Variants in EXT1 observed in about 807,000 individuals in gnomAD.
The protein encoded by EXT1 is exostosin glycosyltransferase 1.
Under a neutral mutation model 82.5 loss-of-function variants are expected in EXT1, and 20 were observed. The observed-to-expected ratio is 0.24, with a 90% CI of 0.17 to 0.35. The LOEUF (loss-of-function observed/expected upper bound fraction) is 0.35, where lower values mean the gene tolerates loss of function less well. Among genes scored for constraint, EXT1 ranks in the 10% least tolerant of loss-of-function variants. EXT1 has a pLI of 1.00. For synonymous variants in EXT1, 348 were observed against 350.8 expected, an observed-to-expected ratio of 0.99 and a Z score of 0.09; for missense variants, 757 against 936.5, an observed-to-expected ratio of 0.81 and a Z score of 2.50.
chr8:118,007,358 A>G (rs1307208129), intron 1 of EXT1, among the ~76,000 whole-genome samples: 1 of 152,168 alleles, frequency 6.6e-6, no homozygotes, highest in Non-Finnish European at 1.5e-5. Context: ...CAGGTTACAT[A>G]AGAATATCTG....
At chr8:117,984,015 C>G (rs989039918) in intron 1 of EXT1, among the ~76,000 whole-genome samples, 1 of 152,214 alleles carries the variant, frequency 6.6e-6, no homozygotes, top group African/African-American at 2.4e-5. Flanking sequence ...AGGCACTGTT[C>G]TGGGTGCTAA....
At chr8:117,984,371 G>A (rs1815268749) in intron 1 of EXT1, among the ~76,000 whole-genome samples, 1 of 151,580 alleles carries the variant, frequency 6.6e-6, no homozygotes, top group Non-Finnish European at 1.5e-5. Flanking sequence ...GGAGGCTGAA[G>A]TGAGCCGCAA....
At chr8:117,858,011 T>G (rs1812595462) in intron 1 of EXT1, among the ~76,000 whole-genome samples, 1 of 152,204 alleles carries the variant, frequency 6.6e-6, no homozygotes, top group Admixed American at 6.5e-5. Flanking sequence ...AGATCTATAA[T>G]TAGAAGTGCA....
At chr8:117,869,216 T>C (rs1401706176) in intron 1 of EXT1, among the ~76,000 whole-genome samples, 5 of 152,144 alleles carry the variant, frequency 3.3e-5, no homozygotes, top group African/African-American at 1.2e-4. Flanking sequence ...ATATCCACCA[T>C]GAGGAAGAAT....
chr8:118,088,544 ACAGT>A (rs1366068804), intron 1 of EXT1, among the ~76,000 whole-genome samples: 1 of 152,208 alleles, frequency 6.6e-6, no homozygotes, highest in African/African-American at 2.4e-5. Context: ...AAAGAAAAGA[ACAGT>A]CAAACTAAAA....
intron 1 of EXT1, among the ~76,000 whole-genome samples, chr8:117,876,597 C>T (rs867484287): frequency 7.2e-5 from 11 of 152,076 alleles, no homozygotes; most frequent in Middle Eastern, 3.4e-3. Flanking sequence ...GAGGTAAGGA[C>T]GTAGGATAAA....
At chr8:118,081,017 T>G (rs1027158011) in intron 1 of EXT1, among the ~76,000 whole-genome samples, 2 of 152,160 alleles carry the variant, frequency 1.3e-5, no homozygotes, top group Non-Finnish European at 2.9e-5. Context: ...TAGTTAATAT[T>G]TAGGGAGCAC....
rs111875016 is a variant in EXT1 at position 117,939,044 on chromosome 8, GT to G, written c.963-101844del. On this transcript the variant is annotated intron_variant, in intron 1 of 10. Coordinates refer to ENST00000378204, the MANE Select transcript of EXT1 (RefSeq NM_000127.3). ...GCCCCCTCCTTTTATTTTTCAAGCT[GT>G]TTTTTTTTCCCCCCAATGGAAGCCT... Among the ~76,000 whole-genome samples the G allele has an allele frequency of 3.0e-3, 449 of 150,730 alleles. 4 individuals carry two copies. The highest frequency in any genetic ancestry group is 0.014 in the Middle Eastern group (4 of 294).
chr8:117,982,517 G>A (rs1815230465), intron 1 of EXT1, among the ~76,000 whole-genome samples: 1 of 151,922 alleles, frequency 6.6e-6, no homozygotes, highest in Admixed American at 6.6e-5. Context: ...TTGAGACGGA[G>A]TCTTGCTGTG....
At chr8:117,919,220 T>A (rs2130008607) in intron 1 of EXT1, among the ~76,000 whole-genome samples, 1 of 151,874 alleles carries the variant, frequency 6.6e-6, no homozygotes, top group African/African-American at 2.4e-5. Flanking sequence ...CAAGGTGTCA[T>A]TTTGTCACCC....
chr8:117,834,010 A>G (rs1470060786), intron 3 of EXT1, among the ~76,000 whole-genome samples: 1 of 151,958 alleles, frequency 6.6e-6, no homozygotes, highest in African/African-American at 2.4e-5. Flanking sequence ...TTTCACAAAA[A>G]CTCCAGACCC....
Position 117,862,418 on chromosome 8 carries a change from T to A in EXT1, c.963-25217A>T, listed in dbSNP as rs555532212. On this transcript the variant is annotated intron_variant, in intron 1 of 10. Transcript: ENST00000378204. Reference sequence around the variant, plus strand: ...ATTATTTCCTTAACTTCTCTTTCATTCCTATGACAATGTAAATAAAACGGG... The same window carrying A: ...ATTATTTCCTTAACTTCTCTTTCATACCTATGACAATGTAAATAAAACGGG... Among the ~76,000 whole-genome samples, 90 of 145,984 alleles carry A rather than the reference T, an allele frequency of 6.2e-4. 4 individuals carry two copies. The highest frequency in any genetic ancestry group is 2.1e-3 in the African/African-American group (86 of 41,208).
At chr8:117,909,607 G>C (rs1019266014) in intron 1 of EXT1, among the ~76,000 whole-genome samples, 1 of 152,090 alleles carries the variant, frequency 6.6e-6, no homozygotes, top group African/African-American at 2.4e-5. Context: ...AGGAGGGCCC[G>C]ACATGGATCT....
At chr8:117,900,153 C>A (rs1263059901) in intron 1 of EXT1, among the ~76,000 whole-genome samples, 2 of 152,104 alleles carry the variant, frequency 1.3e-5, no homozygotes, top group East Asian at 3.9e-4. Flanking sequence ...TCTGTGGGAG[C>A]CCAGAGCAGA....
At position 117,858,712 on chromosome 8, in the gene EXT1, A is replaced by AGAAG. The variant is rs564611274; in HGVS notation, c.963-21515_963-21512dup. On this transcript the variant is annotated intron_variant, in intron 1 of 10. Coordinates refer to ENST00000378204, the MANE Select transcript of EXT1 (RefSeq NM_000127.3). ...AAGAAGAAAGAAAGAAAGAAAAGAAAGAAGGAAGGAAGGAAGGAAGGAAGG... is the reference window on the plus strand; with the variant it reads ...AAGAAGAAAGAAAGAAAGAAAAGAAAGAAGGAAGGAAGGAAGGAAGGAAGGAAGG... Among the ~76,000 whole-genome samples, 179 of 66,080 alleles carry AGAAG rather than the reference A, an allele frequency of 2.7e-3. 4 individuals are homozygous for AGAAG. The highest frequency in any genetic ancestry group is 0.016 in the Middle Eastern group (2 of 128). 43.4% of individuals were successfully genotyped at this position (66,080 alleles called of 152,430 possible).
chr8:118,063,394 C>T (rs1313628961), intron 1 of EXT1, among the ~76,000 whole-genome samples: 2 of 152,150 alleles, frequency 1.3e-5, no homozygotes, highest in East Asian at 1.9e-4. Flanking sequence ...TTGAAAGCAG[C>T]TACTTATTTT....
intron 1 of EXT1, among the ~76,000 whole-genome samples, chr8:118,107,905 G>C (rs911257836): frequency 2.0e-5 from 3 of 152,230 alleles, no homozygotes; most frequent in African/African-American, 7.2e-5. Flanking sequence ...TGAAAATCCA[G>C]AAGTGTCCCT....
chr8:117,857,827 T>A (rs1031012453), intron 1 of EXT1, among the ~76,000 whole-genome samples: 3 of 152,262 alleles, frequency 2.0e-5, no homozygotes, highest in African/African-American at 7.2e-5. Context: ...TGAAAATCTT[T>A]TAGAAAGGAT....
intron 1 of EXT1, among the ~76,000 whole-genome samples, chr8:118,081,211 C>T (rs1376753113): frequency 2.0e-5 from 3 of 152,122 alleles, no homozygotes; most frequent in Non-Finnish European, 4.4e-5. Context: ...CAACCATTTC[C>T]CCAAGCCTTG....
Sources: gnomAD v4.1 joint callset for allele counts (sites outside exome capture counted in the v4.1 genomes callset) on GRCh38, gnomAD v4.1.1 for gene constraint, MANE v1.5 for transcripts, NCBI Gene and HGNC (gene_info 2026-07-23, HGNC 2026-07-21) for gene names.